Variants in PEAK1 observed in about 807,000 individuals in gnomAD.
PEAK1 encodes the protein inactive tyrosine-protein kinase PEAK1.
PEAK1 carries 54 observed loss-of-function variants against 124.7 expected under a neutral mutation model. That is an observed-to-expected ratio of 0.43 (90% CI 0.35 to 0.54). The LOEUF (loss-of-function observed/expected upper bound fraction) is 0.54, where lower values mean the gene tolerates loss of function less well. Among genes scored for constraint, PEAK1 ranks in the 20% least tolerant of loss-of-function variants. The probability of loss-of-function intolerance (pLI) is 0.01; values close to 1 mark genes in which losing one functional copy is unlikely to be tolerated. For synonymous variants in PEAK1, 719 were observed against 760.0 expected, an observed-to-expected ratio of 0.95 and a Z score of 0.89; for missense variants, 2,046 against 2,134.5, an observed-to-expected ratio of 0.96 and a Z score of 0.82.
intron 8 of PEAK1, among the ~76,000 whole-genome samples, chr15:77,150,961 C>A (rs930076700): frequency 6.6e-6 from 1 of 151,884 alleles, no homozygotes; most frequent in African/African-American, 2.4e-5. Context: ...TGAATAATGC[C>A]GCAATAAACA....
intron 8 of PEAK1, chr15:77,157,732 A>T (rs1025314786): frequency 1.3e-5 from 2 of 152,134 alleles, no homozygotes; most frequent in Admixed American, 6.5e-5. Flanking sequence ...TTCGTCTTAA[A>T]TATCTCTCAA....
chr15:77,142,680 A>C (rs924694071), intron 8 of PEAK1, among the ~76,000 whole-genome samples: 1 of 152,240 alleles, frequency 6.6e-6, no homozygotes, highest in African/African-American at 2.4e-5. Flanking sequence ...AAAACCTTGA[A>C]AACATGGAAA....
intron 7 of PEAK1, among the ~76,000 whole-genome samples, chr15:77,163,398 G>C (rs1160019082): frequency 6.6e-6 from 1 of 152,198 alleles, no homozygotes; most frequent in East Asian, 1.9e-4. Flanking sequence ...TTGGAAGGTT[G>C]TATCTCATCA....
intron 6 of PEAK1, among the ~76,000 whole-genome samples, chr15:77,208,708 A>G (rs1488331012): frequency 6.6e-6 from 1 of 152,200 alleles, no homozygotes; most frequent in Non-Finnish European, 1.5e-5. Context: ...TTAGAATAAA[A>G]CAATATAAAA....
At chr15:77,334,307 T>G (rs991398079) in intron 2 of PEAK1, 1 of 985,268 alleles carries the variant, frequency 1.0e-6, no homozygotes, top group African/African-American at 1.7e-5. Flanking sequence ...TGCTGTCTTC[T>G]CTTTTGAAAT....
intron 2 of PEAK1, among the ~76,000 whole-genome samples, chr15:77,339,851 C>T (rs1002578187): frequency 1.3e-5 from 2 of 152,082 alleles, no homozygotes; most frequent in Admixed American, 6.6e-5. Context: ...GCAGACACCT[C>T]GTCAAAGAAG....
At chr15:77,186,643 A>AC (rs2057563890) in intron 6 of PEAK1, among the ~76,000 whole-genome samples, 1 of 151,856 alleles carries the variant, frequency 6.6e-6, no homozygotes, top group African/African-American at 2.4e-5. Context: ...CAAAAAACAA[A>AC]AAAACCGAGA....
chr15:77,210,615 C>T (rs2058859324), intron 6 of PEAK1, among the ~76,000 whole-genome samples: 1 of 152,234 alleles, frequency 6.6e-6, no homozygotes, highest in Non-Finnish European at 1.5e-5. Context: ...CGCAGTGGCT[C>T]ACGCCTGTAA....
intron 1 of PEAK1, among the ~76,000 whole-genome samples, chr15:77,368,169 T>G (rs1337437953): frequency 6.6e-6 from 1 of 152,210 alleles, no homozygotes; most frequent in Non-Finnish European, 1.5e-5. Context: ...TATGTATTGA[T>G]AACTAATCAT....
chr15:77,368,227 AG>A (rs2068389155), intron 1 of PEAK1, among the ~76,000 whole-genome samples: 1 of 152,146 alleles, frequency 6.6e-6, no homozygotes, highest in Non-Finnish European at 1.5e-5. Context: ...AAAAATTAAA[AG>A]TTTTGGGCCA....
chr15:77,175,499 A>C (rs1391287101), intron 7 of PEAK1, among the ~76,000 whole-genome samples: 2 of 151,772 alleles, frequency 1.3e-5, no homozygotes, highest in Non-Finnish European at 3.0e-5. Context: ...GACACATGAA[A>C]AAATGCTCAT....
chr15:77,161,037 A>G (rs546755903), intron 7 of PEAK1, among the ~76,000 whole-genome samples: 1 of 152,378 alleles, frequency 6.6e-6, no homozygotes, highest in African/African-American at 2.4e-5. Context: ...ATGTGTACAT[A>G]TAACACAGCT....
At chr15:77,395,689 T>C (rs2070824203) in intron 1 of PEAK1, among the ~76,000 whole-genome samples, 1 of 152,094 alleles carries the variant, frequency 6.6e-6, no homozygotes, top group Non-Finnish European at 1.5e-5. Flanking sequence ...AAAACCTTTA[T>C]CCTAGAGTAG....
chr15:77,106,395 G>T (rs2050752130), downstream of PEAK1: 1 of 152,070 alleles, frequency 6.6e-6, no homozygotes, highest in African/African-American at 2.4e-5. Flanking sequence ...ATGGAGTCTT[G>T]TTCTGTCACC....
intron 2 of PEAK1, among the ~76,000 whole-genome samples, chr15:77,309,041 C>A (rs2064272353): frequency 6.6e-6 from 1 of 151,998 alleles, no homozygotes; most frequent in Non-Finnish European, 1.5e-5. Flanking sequence ...AAAGGAGGAG[C>A]ATATTCCTTT....
chr15:77,318,278 GA>G (rs1433237246), intron 2 of PEAK1, among the ~76,000 whole-genome samples: 2 of 152,164 alleles, frequency 1.3e-5, no homozygotes, highest in Admixed American at 6.5e-5. Flanking sequence ...AGTTTTGTAA[GA>G]TGTTATGATT....
intron 9 of PEAK1, among the ~76,000 whole-genome samples, chr15:77,129,285 A>AT (rs2052645041): frequency 6.6e-6 from 1 of 152,190 alleles, no homozygotes; most frequent in Non-Finnish European, 1.5e-5. Flanking sequence ...GGGAAAATAA[A>AT]TTTCTGTTGT....
intron 1 of PEAK1, among the ~76,000 whole-genome samples, chr15:77,378,575 C>G (rs2069223191): frequency 6.6e-6 from 1 of 152,046 alleles, no homozygotes; most frequent in Non-Finnish European, 1.5e-5. Context: ...ACACTCTTTA[C>G]TATATACTAA....
chr15:77,381,238 A>G, intron 1 of PEAK1: 1 of 982,896 alleles, frequency 1.0e-6, no homozygotes, highest in Non-Finnish European at 1.2e-6. Context: ...ACTCAACATG[A>G]CATAATTGAT....
Sources: gnomAD v4.1 joint callset for allele counts (sites outside exome capture counted in the v4.1 genomes callset) on GRCh38, gnomAD v4.1.1 for gene constraint, MANE v1.5 for transcripts, NCBI Gene and HGNC (gene_info 2026-07-23, HGNC 2026-07-21) for gene names.